Variants in FLACC1 observed in about 807,000 individuals in gnomAD.
The protein encoded by FLACC1 is flagellum associated containing coiled-coil domains 1.
FLACC1 carries 66 observed loss-of-function variants against 62.8 expected under a neutral mutation model. The ratio of observed to expected loss-of-function variants is 1.05; its 90% CI spans 0.86 to 1.29. The LOEUF (loss-of-function observed/expected upper bound fraction) is 1.29. Among genes scored for constraint, FLACC1 ranks in the 50% most tolerant of loss-of-function variants. FLACC1 has a pLI of 0.00. For synonymous variants in FLACC1, 156 were observed against 161.0 expected (o/e 0.97, Z 0.24); for missense variants, 452 against 489.1 (o/e 0.92, Z 0.71).
At position 201,330,858 on chromosome 2, in the gene FLACC1, C is replaced by T; in HGVS notation, c.525-25G>A. ...CCTGTGGGACCCCAGGAGAAGGCCA[C>T]AATCATTAGTAAAAAGAAGTCCAGA... On this transcript the variant is annotated intron_variant, in intron 7 of 14. Coordinates refer to ENST00000392257, the MANE Select transcript of FLACC1 (RefSeq NM_001127391.3). The T allele has an allele frequency of 5.0e-6, 8 of 1,595,824 alleles. 1 individual carries two copies. Among genetic ancestry groups the T allele is most frequent in the South Asian group, 2.2e-5 (2 of 89,908 alleles).
chr2:201,338,316 T>G (rs1950736582), intron 7 of FLACC1, among the ~76,000 whole-genome samples: 1 of 152,208 alleles, frequency 6.6e-6, no homozygotes, highest in South Asian at 2.1e-4. Context: ...TTTTTGTGAT[T>G]TTCATATATA....
intron 12 of FLACC1, among the ~76,000 whole-genome samples, chr2:201,294,753 G>GA (rs1462550062): frequency 7.9e-5 from 12 of 152,304 alleles, no homozygotes; most frequent in Middle Eastern, 6.8e-3. Flanking sequence ...CAGATGACAT[G>GA]ATTGTATATC....
the FLACC1 span, among the ~76,000 whole-genome samples, chr2:201,364,199 T>C: frequency 6.6e-6 from 1 of 151,794 alleles, no homozygotes; most frequent in Non-Finnish European, 1.5e-5. Context: ...AATAGGGTTA[T>C]AGAAGCAAAG....
In FLACC1 at chr2:201,344,270, G is replaced by A. The variant is rs1950870329; in HGVS notation, c.369-7C>T. 10 of 1,593,640 alleles carry A rather than the reference G, an allele frequency of 6.3e-6. No individual in the cohort carries two copies. Among genetic ancestry groups the A allele is most frequent in the Admixed American group, 5.0e-5 (3 of 59,868 alleles). ...GTCAGAAATGATGTTGGTCCTGTAG[G>A]AGAAGTAATTCTTCTATCATCCACA... is the stretch of plus-strand genomic sequence containing the variant. On this transcript the variant is annotated splice_polypyrimidine_tract_variant and splice_region_variant and intron_variant, in intron 5 of 14. Coordinates refer to ENST00000392257, the MANE Select transcript of FLACC1 (RefSeq NM_001127391.3).
At chr2:201,303,959 C>T (rs1950046440) in intron 11 of FLACC1, among the ~76,000 whole-genome samples, 1 of 152,086 alleles carries the variant, frequency 6.6e-6, no homozygotes, top group Admixed American at 6.6e-5. Context: ...TATGACAAAC[C>T]CACAGCCAAT....
rs775464458 is a variant in FLACC1, at chr2:201,344,271, A to G, written c.369-8T>C. ...TCAGAAATGATGTTGGTCCTGTAGG[A>G]GAAGTAATTCTTCTATCATCCACAA... On this transcript the variant is annotated splice_polypyrimidine_tract_variant and splice_region_variant and intron_variant, in intron 5 of 14. Coordinates refer to ENST00000392257, the MANE Select transcript of FLACC1 (RefSeq NM_001127391.3). The G allele has an allele frequency of 1.3e-6, 2 of 1,599,510 alleles. No individual in the cohort carries two copies. The highest frequency in any genetic ancestry group is 1.7e-6 in the Non-Finnish European group (2 of 1,166,952).
At chr2:201,359,169 G>C (rs1951162731), upstream of FLACC1, among the ~76,000 whole-genome samples, 1 of 152,186 alleles carries the variant, frequency 6.6e-6, no homozygotes, top group Admixed American at 6.5e-5. Context: ...AAAGGAGAAG[G>C]TGATGATTCC....
At chr2:201,289,834 T>A (rs1193436582) in intron 12 of FLACC1, 49 bp from the exon 13 acceptor site, 5 of 1,613,880 alleles carry the variant, frequency 3.1e-6, no homozygotes, top group East Asian at 4.5e-5. Flanking sequence ...GTCTATTTAT[T>A]TGGTCTCTTC....
intron 7 of FLACC1, among the ~76,000 whole-genome samples, chr2:201,332,358 C>T (rs1950612042): frequency 6.6e-6 from 1 of 151,994 alleles, no homozygotes; most frequent in African/African-American, 2.4e-5. Context: ...AAGCGATTCT[C>T]TCACCTCAGC....
intron 9 of FLACC1, among the ~76,000 whole-genome samples, chr2:201,320,008 C>T (rs921583223): frequency 3.3e-5 from 5 of 152,190 alleles, no homozygotes; most frequent in African/African-American, 1.2e-4. Flanking sequence ...CACTGTGGAC[C>T]CTGAAAGTCC....
rs142458964 is a variant in FLACC1 at position 201,345,424 on chromosome 2, C to T, written c.368+1118G>A. ...TGCTAACGGTTTGGTTGAATTCTGC[C>T]AATACACTAGCAGATAGGTAGATGA... On this transcript the variant is annotated intron_variant, in intron 5 of 14. Transcript: ENST00000392257. Among the ~76,000 whole-genome samples, 372 of 150,906 alleles carry T rather than the reference C, an allele frequency of 2.5e-3. 4 individuals carry two copies. In the South Asian group the frequency reaches 0.029, roughly 12 times the overall value.
At chr2:201,318,221 G>A (rs2125576879) in intron 9 of FLACC1, among the ~76,000 whole-genome samples, 1 of 152,248 alleles carries the variant, frequency 6.6e-6, no homozygotes, top group East Asian at 1.9e-4. Context: ...AAAAGCAAAT[G>A]TAATAAAAAC....
chr2:201,330,592 G>A lies in FLACC1; in HGVS notation c.623-70C>T, dbSNP rs1406339485. 14 of 1,559,546 alleles carry A rather than the reference G, an allele frequency of 9.0e-6. No individual in the cohort carries two copies. The African/African-American group carries it at 1.9e-4, about 21-fold the overall frequency. On this transcript the variant is annotated intron_variant, in intron 8 of 14. Coordinates refer to ENST00000392257, the MANE Select transcript of FLACC1 (RefSeq NM_001127391.3). ...TGCACATTTTCAAATTCAAATGTGAGTTCTTCTGCACACCTTCCCCACCCC... is the reference window on the plus strand; with the variant it reads ...TGCACATTTTCAAATTCAAATGTGAATTCTTCTGCACACCTTCCCCACCCC...
intron 1 of FLACC1, among the ~76,000 whole-genome samples, chr2:201,354,583 G>A (rs1951084573): frequency 1.3e-5 from 2 of 152,126 alleles, no homozygotes; most frequent in African/African-American, 2.4e-5. Flanking sequence ...AAGGAGATGA[G>A]GTCAGAGAAG....
chr2:201,348,439 G>T (rs1241493494), intron 3 of FLACC1, 137 bp from the exon 4 acceptor site: 4 of 843,364 alleles, frequency 4.7e-6, no homozygotes, highest in African/African-American at 3.5e-5. Context: ...TAGGATAGTT[G>T]GGGAACTCAC....
intron 9 of FLACC1, among the ~76,000 whole-genome samples, chr2:201,317,497 G>A (rs1341837374): frequency 6.6e-6 from 1 of 152,146 alleles, no homozygotes; most frequent in African/African-American, 2.4e-5. Context: ...TAACCAAGGA[G>A]TTGTAAGACC....
rs527568891 is a variant in FLACC1 at position 201,328,727 on chromosome 2, T to C, written c.675+1743A>G. Among the ~76,000 whole-genome samples, 15 of 152,346 alleles carry C rather than the reference T, an allele frequency of 9.8e-5. No individual in the cohort carries two copies. The East Asian group carries it at 2.9e-3, about 29-fold the overall frequency. ...AGGCATCAGCCACAGCACCGGCCTATGGTCAAATTTAAATGAGCTATTTTT... is the reference window on the plus strand; with the variant it reads ...AGGCATCAGCCACAGCACCGGCCTACGGTCAAATTTAAATGAGCTATTTTT... On this transcript the variant is annotated intron_variant, in intron 9 of 14. Coordinates refer to ENST00000392257, the MANE Select transcript of FLACC1 (RefSeq NM_001127391.3).
Position 201,357,159 on chromosome 2 carries a change from A to G in FLACC1, c.-225T>C, listed in dbSNP as rs1446681419. On this transcript the variant is annotated 5_prime_UTR_variant, in exon 1 of 15. Coordinates refer to ENST00000392257, the MANE Select transcript of FLACC1 (RefSeq NM_001127391.3). ...AATGCCGAAGGAGAAAATTCACAGT[A>G]TATGTACTGCGGGAAGACAGACTTC... 6.6e-6 allele frequency: 1 copy of G among 152,246 alleles called. No homozygotes were observed. The highest frequency in any genetic ancestry group is 1.5e-5 in the Non-Finnish European group (1 of 68,048). 9.4% of individuals were successfully genotyped at this position (152,246 alleles called of 1,614,324 possible).
intron 9 of FLACC1, among the ~76,000 whole-genome samples, chr2:201,318,311 C>T (rs1950340331): frequency 6.6e-6 from 1 of 152,158 alleles, no homozygotes; most frequent in South Asian, 2.1e-4. Flanking sequence ...AAACAGACAA[C>T]CCACAGAGTG....
Sources: gnomAD v4.1 joint callset for allele counts (sites outside exome capture counted in the v4.1 genomes callset) on GRCh38, gnomAD v4.1.1 for gene constraint, MANE v1.5 for transcripts, NCBI Gene and HGNC (gene_info 2026-07-23, HGNC 2026-07-21) for gene names.